The following PIGN variants were observed in gnomAD, a reference collection of about 807,000 sequenced individuals.
PIGN encodes the protein phosphatidylinositol glycan anchor biosynthesis class N.
Under a neutral mutation model 125.4 loss-of-function variants are expected in PIGN, and 117 were observed. The ratio of observed to expected loss-of-function variants is 0.93; its 90% CI spans 0.80 to 1.09. The LOEUF (loss-of-function observed/expected upper bound fraction) is 1.09. Among genes scored for constraint, PIGN ranks in the 50% least tolerant of loss-of-function variants. The probability of loss-of-function intolerance (pLI) is 0.00; values close to 1 mark genes in which losing one functional copy is unlikely to be tolerated. For synonymous variants in PIGN, 392 were observed against 377.8 expected (o/e 1.04, Z -0.44); for missense variants, 1,075 against 1,094.9 (o/e 0.98, Z 0.26).
intron 1 of PIGN, among the ~76,000 whole-genome samples, chr18:62,183,860 A>C (rs944956290): frequency 6.6e-6 from 1 of 152,140 alleles, no homozygotes; most frequent in African/African-American, 2.4e-5. Context: ...AAAAAAACTA[A>C]ACCTTTTATG....
At position 62,113,185 on chromosome 18, in the gene PIGN, C is replaced by T. The variant is rs1176735676; in HGVS notation, c.1383G>A (p.Leu461=). 1 of 1,612,388 alleles carries T rather than the reference C, an allele frequency of 6.2e-7. No homozygotes were observed. The highest frequency in any genetic ancestry group is 8.5e-7 in the Non-Finnish European group (1 of 1,179,120). The change falls in exon 16 of 31, where the codon TTG becomes TTA. Residue 461 remains leucine, a synonymous_variant. Coordinates refer to ENST00000640252, the MANE Select transcript of PIGN (RefSeq NM_176787.5). ...FVGWISYASL[L]IIKSHSNLIK... ...TAAGGTTGGAATGAGACTTGATGATCAACAAAGAGGCATAAGATATCCATC... is the reference window on the plus strand; with the variant it reads ...TAAGGTTGGAATGAGACTTGATGATTAACAAAGAGGCATAAGATATCCATC...
At chr18:62,182,692 T>C (rs1437463129) in intron 1 of PIGN, among the ~76,000 whole-genome samples, 1 of 152,204 alleles carries the variant, frequency 6.6e-6, no homozygotes, top group East Asian at 1.9e-4. Flanking sequence ...CTTTTCTTTT[T>C]TCAAAAGAAA....
chr18:62,158,067 A>C, intron 4 of PIGN: 1 of 322,796 alleles, frequency 3.1e-6, no homozygotes. Context: ...AACAAAATAC[A>C]TGATTGTTGT....
intron 14 of PIGN, chr18:62,137,370 C>A (rs751108497): frequency 8.0e-5 from 29 of 364,626 alleles, no homozygotes; most frequent in East Asian, 4.0e-5. Flanking sequence ...ATATTGCAGA[C>A]GGTCTATTCT....
At chr18:62,115,366 TAAATC>T (rs2035048445) in intron 14 of PIGN, among the ~76,000 whole-genome samples, 1 of 152,186 alleles carries the variant, frequency 6.6e-6, no homozygotes, top group South Asian at 2.1e-4. Flanking sequence ...CTTAATGAAA[TAAATC>T]TATATATTTA....
chr18:62,135,016 T>C (rs1717284213), intron 14 of PIGN, among the ~76,000 whole-genome samples: 1 of 152,222 alleles, frequency 6.6e-6, no homozygotes, highest in Non-Finnish European at 1.5e-5. Context: ...TAGTTTGAGG[T>C]CCACTCACTT....
chr18:62,047,034 C>T (rs558412911), intron 30 of PIGN, among the ~76,000 whole-genome samples: 21 of 152,340 alleles, frequency 1.4e-4, no homozygotes, highest in African/African-American at 5.1e-4. Context: ...ACAATAATAC[C>T]ACCACCACAA....
Position 62,138,970 on chromosome 18 carries a change from AT to A in PIGN, c.1116+12del, listed in dbSNP as rs199971157. 4.6e-3 allele frequency: 6,028 copies of A among 1,296,530 alleles called. No homozygotes were observed. Among genetic ancestry groups the A allele is most frequent in the South Asian group, 9.7e-3 (628 of 65,036 alleles). 80.3% of individuals were successfully genotyped at this position (1,296,530 alleles called of 1,614,324 possible). On this transcript the variant is annotated intron_variant, in intron 13 of 30. Transcript: ENST00000640252. ...TCCATTTTTGTGCGTGCCTTTTTGA[AT>A]TTTTTTTTTACCTTGAACTGTTCAA...
At chr18:62,160,307 A>G (rs1256983315) in intron 4 of PIGN, among the ~76,000 whole-genome samples, 2 of 152,178 alleles carry the variant, frequency 1.3e-5, no homozygotes, top group Non-Finnish European at 2.9e-5. Context: ...GGCCCTTTGT[A>G]AGTCCAAGAA....
chr18:62,114,869 A>T (rs1295511935), intron 14 of PIGN, among the ~76,000 whole-genome samples: 1 of 152,222 alleles, frequency 6.6e-6, no homozygotes, highest in African/African-American at 2.4e-5. Flanking sequence ...AACTACACTT[A>T]TGAAAGTCAT....
At chr18:62,095,764 C>T in intron 23 of PIGN, 84 bp downstream of exon 23, 9 of 736,004 alleles carry the variant, frequency 1.2e-5, no homozygotes, top group East Asian at 2.8e-5. Flanking sequence ...TTTTTATTTC[C>T]AGAAGTTAAA....
rs72941860 is a variant in PIGN, at chr18:62,127,697, G to A, written c.1172+10546C>T. Among the ~76,000 whole-genome samples the A allele has an allele frequency of 9.6e-5, 14 of 145,444 alleles. No individual in the cohort carries two copies. In the South Asian group the frequency reaches 2.0e-3, roughly 20 times the overall value. ...TGGTTTTTTTGTGTGTTTTTTTTTTGTTTTGTTTTTTGAGACAAGGTATTG... is the reference window on the plus strand; with the variant it reads ...TGGTTTTTTTGTGTGTTTTTTTTTTATTTTGTTTTTTGAGACAAGGTATTG... On this transcript the variant is annotated intron_variant, in intron 14 of 30. Transcript: ENST00000640252.
At chr18:62,181,759 A>G (rs2037725167) in intron 1 of PIGN, among the ~76,000 whole-genome samples, 1 of 151,728 alleles carries the variant, frequency 6.6e-6, no homozygotes, top group Non-Finnish European at 1.5e-5. Context: ...GTCTCGCCCT[A>G]TCTATCGCCC....
chr18:62,147,221 A>C lies in PIGN; in HGVS notation c.675-120T>G, dbSNP rs187722402. 8.8e-6 allele frequency: 11 copies of C among 1,252,036 alleles called. No individual in the cohort carries two copies. In the East Asian group the frequency reaches 2.5e-4, roughly 28 times the overall value. 77.6% of individuals were successfully genotyped at this position (1,252,036 alleles called of 1,614,324 possible). A position where few individuals can be genotyped will look rare whatever the true frequency, so the allele number is the denominator to read the frequency against. ...GAAATGCTTTTAGATTTCATCTTTA[A>C]TATTTTAAAATCAGAGTACTCTAGA... On this transcript the variant is annotated intron_variant, in intron 8 of 30. Coordinates refer to ENST00000640252, the MANE Select transcript of PIGN (RefSeq NM_176787.5).
Position 62,151,509 on chromosome 18 carries a change from C to T in PIGN, c.549+3036G>A, listed in dbSNP as rs77135697. Reference sequence around the variant, plus strand: ...AGGTATGTGTACAACTTTCTAAACACACTATGCATGCTCACCTCCCAAGGT... The same window carrying T: ...AGGTATGTGTACAACTTTCTAAACATACTATGCATGCTCACCTCCCAAGGT... On this transcript the variant is annotated intron_variant, in intron 7 of 30. Coordinates refer to ENST00000640252, the MANE Select transcript of PIGN (RefSeq NM_176787.5). Among the ~76,000 whole-genome samples the T allele has an allele frequency of 1.8e-4, 27 of 152,302 alleles. 1 individual carries two copies. The East Asian group carries it at 3.3e-3, about 19-fold the overall frequency.
At chr18:62,034,360 T>C (rs2030230993) in intron 23 of PIGN, among the ~76,000 whole-genome samples, 1 of 152,016 alleles carries the variant, frequency 6.6e-6, no homozygotes, top group Non-Finnish European at 1.5e-5. Flanking sequence ...CCACACAGAG[T>C]CTCCACTGGT....
At chr18:62,111,912 T>G (rs2034894463) in intron 16 of PIGN, among the ~76,000 whole-genome samples, 1 of 152,212 alleles carries the variant, frequency 6.6e-6, no homozygotes, top group African/African-American at 2.4e-5. Context: ...CTATCAGCTA[T>G]GAAATCTTGT....
At chr18:62,171,393 G>A (rs2037340699) in intron 1 of PIGN, among the ~76,000 whole-genome samples, 1 of 151,972 alleles carries the variant, frequency 6.6e-6, no homozygotes, top group Non-Finnish European at 1.5e-5. Context: ...TAACTTTCTG[G>A]AGATAATTAG....
chr18:62,055,848 A>G (rs1183587347), intron 30 of PIGN, among the ~76,000 whole-genome samples: 1 of 151,894 alleles, frequency 6.6e-6, no homozygotes, highest in Admixed American at 6.6e-5. Flanking sequence ...GGAAGCAGGG[A>G]CTATAATTTT....
Sources: gnomAD v4.1 joint callset for allele counts (sites outside exome capture counted in the v4.1 genomes callset) on GRCh38, gnomAD v4.1.1 for gene constraint, MANE v1.5 for transcripts, NCBI Gene and HGNC (gene_info 2026-07-23, HGNC 2026-07-21) for gene names.